The following DPY19L1 variants were observed in gnomAD, a reference collection of about 807,000 sequenced individuals.
The protein encoded by DPY19L1 is protein C-mannosyl-transferase DPY19L1.
Under a neutral mutation model 96.9 loss-of-function variants are expected in DPY19L1, and 35 were observed. That is an observed-to-expected ratio of 0.36 (90% CI 0.28 to 0.48). The LOEUF (loss-of-function observed/expected upper bound fraction) is 0.48, where lower values mean the gene tolerates loss of function less well. DPY19L1 is among the 20% of genes least tolerant of loss of function. The pLI is 0.99. For missense variants in DPY19L1, 521 were observed against 777.9 expected, an observed-to-expected ratio of 0.67 and a Z score of 3.93; for synonymous variants, 205 against 252.6, an observed-to-expected ratio of 0.81 and a Z score of 1.79.
intron 6 of DPY19L1, among the ~76,000 whole-genome samples, chr7:35,007,617 A>G (rs934434504): frequency 1.3e-5 from 2 of 152,086 alleles, no homozygotes; most frequent in Non-Finnish European, 2.9e-5. Flanking sequence ...GTGTATATAT[A>G]TATTTATAGC....
chr7:35,036,318 T>C (rs1431661644), intron 1 of DPY19L1, among the ~76,000 whole-genome samples: 5 of 152,198 alleles, frequency 3.3e-5, no homozygotes, highest in Admixed American at 1.3e-4. Flanking sequence ...AAATTAGGCC[T>C]GTTATCCAAA....
chr7:35,031,901 T>C (rs1298458082), intron 1 of DPY19L1, among the ~76,000 whole-genome samples: 3 of 152,144 alleles, frequency 2.0e-5, no homozygotes, highest in Non-Finnish European at 2.9e-5. Flanking sequence ...AAATCCCAAA[T>C]TCCCATTGGC....
intron 6 of DPY19L1, among the ~76,000 whole-genome samples, chr7:35,002,793 G>A (rs572382829): frequency 9.1e-4 from 139 of 152,302 alleles, no homozygotes; most frequent in Non-Finnish European, 1.6e-3. Flanking sequence ...TTTTGAGACG[G>A]AGTCTTGCTC....
In DPY19L1 at chr7:34,973,220, G is replaced by A. The variant is rs527613529; in HGVS notation, c.914+294C>T. Among the ~76,000 whole-genome samples the A allele has an allele frequency of 3.2e-4, 48 of 152,100 alleles. 1 individual carries two copies. The South Asian group carries it at 7.7e-3, about 24-fold the overall frequency. On this transcript the variant is annotated intron_variant, in intron 8 of 21. Transcript: ENST00000638088. ...ACCTTCTTTCTGCTCATTTTCAAGAGGTTACAGTGGTAACAGAAGAAGACT... is the reference window on the plus strand; with the variant it reads ...ACCTTCTTTCTGCTCATTTTCAAGAAGTTACAGTGGTAACAGAAGAAGACT...
chr7:35,004,405 T>C (rs1785503681), intron 6 of DPY19L1, among the ~76,000 whole-genome samples: 1 of 152,142 alleles, frequency 6.6e-6, no homozygotes, highest in Non-Finnish European at 1.5e-5. Flanking sequence ...GGTAAACACA[T>C]GAGTGGCACA....
chr7:34,972,412 C>T (rs143055004), intron 8 of DPY19L1, among the ~76,000 whole-genome samples: 25 of 152,228 alleles, frequency 1.6e-4, no homozygotes, highest in African/African-American at 5.5e-4. Flanking sequence ...AGGGACAGAT[C>T]GGATCAGTGA....
intron 6 of DPY19L1, among the ~76,000 whole-genome samples, chr7:34,996,661 A>G (rs1785291673): frequency 6.6e-6 from 1 of 151,974 alleles, no homozygotes; most frequent in Non-Finnish European, 1.5e-5. Flanking sequence ...GTCTTTAACA[A>G]TGAATGGACC....
chr7:34,957,904 A>G (rs1784411703), intron 11 of DPY19L1, 80 bp downstream of exon 11: 2 of 882,472 alleles, frequency 2.3e-6, no homozygotes, highest in Non-Finnish European at 3.5e-6. Context: ...GAAAACCCTG[A>G]TGAATCCTAA....
intron 10 of DPY19L1, among the ~76,000 whole-genome samples, chr7:34,960,478 T>A (rs1362731212): frequency 6.6e-6 from 1 of 152,178 alleles, no homozygotes; most frequent in Middle Eastern, 3.2e-3. Context: ...ATATTAAATA[T>A]GCATCAATGA....
rs187300124 is a variant in DPY19L1 at position 34,972,421 on chromosome 7, G to T, written c.914+1093C>A. On this transcript the variant is annotated intron_variant, in intron 8 of 21. Coordinates refer to ENST00000638088, the MANE Select transcript of DPY19L1 (RefSeq NM_001366673.1). ...CCACTTAGGGACAGATCGGATCAGT[G>T]AGTGAAAGAAGAATCAAAGGTTTGC... Among the ~76,000 whole-genome samples, 30 of 152,302 alleles carry T rather than the reference G, an allele frequency of 2.0e-4. No individual in the cohort carries two copies. In the East Asian group the frequency reaches 5.8e-3, roughly 29 times the overall value.
chr7:34,938,139 G>T lies in DPY19L1; in HGVS notation c.1965-20C>A, dbSNP rs779889376. 1 of 1,608,468 alleles carries T rather than the reference G, an allele frequency of 6.2e-7. No homozygotes were observed. Among genetic ancestry groups the T allele is most frequent in the Non-Finnish European group, 8.5e-7 (1 of 1,177,718 alleles). The stretch of plus-strand genomic sequence containing the variant: ...CTGGCTCTTTAAAGAAAAATAATTG[G>T]GCATAAAATTTTCAAGACTAAAACG... On this transcript the variant is annotated intron_variant, in intron 20 of 21. Coordinates refer to ENST00000638088, the MANE Select transcript of DPY19L1 (RefSeq NM_001366673.1).
chr7:35,030,634 T>C (rs1396946633), intron 1 of DPY19L1, among the ~76,000 whole-genome samples: 1 of 151,968 alleles, frequency 6.6e-6, no homozygotes, highest in African/African-American at 2.4e-5. Flanking sequence ...TGGAGAAAGA[T>C]GCCAGAAAAA....
At chr7:34,977,000 G>T (rs1247142824) in intron 7 of DPY19L1, among the ~76,000 whole-genome samples, 2 of 151,890 alleles carry the variant, frequency 1.3e-5, no homozygotes, top group South Asian at 2.1e-4. Flanking sequence ...TGTTGACCAG[G>T]CTGGTCTTGA....
At position 34,938,211 on chromosome 7, in the gene DPY19L1, G is replaced by A. The variant is rs968117829; in HGVS notation, c.1965-92C>T. On this transcript the variant is annotated intron_variant, in intron 20 of 21. Coordinates refer to ENST00000638088, the MANE Select transcript of DPY19L1 (RefSeq NM_001366673.1). ...AAAGCACTGAATTAGACTAGAAGAC[G>A]ATGAAGAAGAATCCAGTCAGGAGGA... The A allele has an allele frequency of 3.1e-5, 42 of 1,354,968 alleles. No homozygotes were observed. In the East Asian group the frequency reaches 4.8e-4, roughly 16 times the overall value. 83.9% of individuals were successfully genotyped at this position (1,354,968 alleles called of 1,614,324 possible).
At chr7:35,018,079 G>T in intron 2 of DPY19L1, 110 bp from the exon 3 acceptor site, 1 of 667,768 alleles carries the variant, frequency 1.5e-6, no homozygotes, top group Non-Finnish European at 2.4e-6. Flanking sequence ...AGATAATTTT[G>T]TAATAACACT....
intron 6 of DPY19L1, among the ~76,000 whole-genome samples, chr7:34,993,753 T>C (rs1054302228): frequency 6.6e-5 from 10 of 152,086 alleles, no homozygotes; most frequent in African/African-American, 2.4e-4. Context: ...ATTCTAACTG[T>C]ATTCCTTTAA....
chr7:35,032,286 G>C (rs1187427656), intron 1 of DPY19L1, among the ~76,000 whole-genome samples: 1 of 152,044 alleles, frequency 6.6e-6, no homozygotes, highest in East Asian at 1.9e-4. Context: ...ACATTGCCTG[G>C]GTCAAATCCT....
chr7:34,966,267 A>G (rs1390031757), intron 10 of DPY19L1, among the ~76,000 whole-genome samples: 2 of 152,070 alleles, frequency 1.3e-5, no homozygotes, highest in Non-Finnish European at 2.9e-5. Context: ...TGTATTCCAC[A>G]TGCCTTGACA....
chr7:34,979,569 T>C (rs1377842744), intron 7 of DPY19L1, among the ~76,000 whole-genome samples: 1 of 152,130 alleles, frequency 6.6e-6, no homozygotes, highest in Non-Finnish European at 1.5e-5. Context: ...AGGATTGTTA[T>C]TGGTAATGAC....
Sources: allele counts gnomAD v4.1 joint callset (sites outside exome capture counted in the v4.1 genomes callset), GRCh38; gene constraint gnomAD v4.1.1; transcripts MANE v1.5; gene names NCBI Gene and HGNC (gene_info 2026-07-23, HGNC 2026-07-21).